Variants in SYT17 observed in about 807,000 individuals in gnomAD.
The protein encoded by SYT17 is synaptotagmin-17.
Under a neutral mutation model 46.7 loss-of-function variants are expected in SYT17, and 22 were observed. The ratio of observed to expected loss-of-function variants is 0.47; its 90% CI spans 0.34 to 0.67. The LOEUF (loss-of-function observed/expected upper bound fraction) is 0.67, where lower values mean the gene tolerates loss of function less well. Among genes scored for constraint, SYT17 ranks in the 30% least tolerant of loss-of-function variants. SYT17 has a pLI of 0.01. For synonymous variants in SYT17, 251 were observed against 248.4 expected (o/e 1.01, Z -0.10); for missense variants, 519 against 612.8 (o/e 0.85, Z 1.62).
intron 5 of SYT17, among the ~76,000 whole-genome samples, chr16:19,188,038 T>G (rs575254800): frequency 1.3e-5 from 2 of 152,208 alleles, no homozygotes; most frequent in Non-Finnish European, 2.9e-5. Context: ...GCATGCGTTA[T>G]GTTCATTGCA....
rs73532734 is a variant in SYT17, at chr16:19,192,515, G to C, written c.951+8368G>C. ...AAGTGGGAGGACTGCTTGAGGCCAG[G>C]AGTTCGAGACCAGCCTGGGCAACAT... is the stretch of plus-strand genomic sequence containing the variant. On this transcript the variant is annotated intron_variant, in intron 5 of 7. Coordinates refer to ENST00000355377, the MANE Select transcript of SYT17 (RefSeq NM_016524.4). Among the ~76,000 whole-genome samples, 910 of 152,262 alleles carry C rather than the reference G, an allele frequency of 6.0e-3. 9 individuals carry two copies. The highest frequency in any genetic ancestry group is 0.02 in the African/African-American group (852 of 41,570).
chr16:19,180,753 A>G (rs1964519536), intron 4 of SYT17, among the ~76,000 whole-genome samples: 1 of 152,084 alleles, frequency 6.6e-6, no homozygotes, highest in South Asian at 2.1e-4. Context: ...AATCATTTTG[A>G]TTGATTTTTG....
At chr16:19,210,797 C>T (rs760055655) in intron 5 of SYT17, among the ~76,000 whole-genome samples, 6 of 152,148 alleles carry the variant, frequency 3.9e-5, no homozygotes, top group Non-Finnish European at 8.8e-5. Flanking sequence ...GGGCGCAGAG[C>T]AGCTGTGTTT....
intron 3 of SYT17, among the ~76,000 whole-genome samples, chr16:19,177,585 C>T (rs950835397): frequency 3.9e-5 from 6 of 152,146 alleles, no homozygotes; most frequent in African/African-American, 7.2e-5. Context: ...GTTCCTACTG[C>T]GACATTTGAG....
chr16:19,177,666 C>A (rs28561849), intron 3 of SYT17, among the ~76,000 whole-genome samples: 1 of 152,074 alleles, frequency 6.6e-6, no homozygotes, highest in Non-Finnish European at 1.5e-5. Flanking sequence ...GTGTGCTCTG[C>A]GTGTGATCTT....
At chr16:19,226,628 A>C (rs1966506342) in intron 7 of SYT17, among the ~76,000 whole-genome samples, 1 of 152,214 alleles carries the variant, frequency 6.6e-6, no homozygotes, top group African/African-American at 2.4e-5. Context: ...TGGAGTTACA[A>C]ATAGACAAGG....
At chr16:19,238,254 T>C (rs1025983001) in intron 7 of SYT17, among the ~76,000 whole-genome samples, 4 of 152,156 alleles carry the variant, frequency 2.6e-5, no homozygotes, top group African/African-American at 9.7e-5. Flanking sequence ...TCTGTAGATC[T>C]CAGTTCCCAG....
chr16:19,200,097 T>C (rs765906350), intron 5 of SYT17, among the ~76,000 whole-genome samples: 6 of 152,158 alleles, frequency 3.9e-5, no homozygotes, highest in Non-Finnish European at 8.8e-5. Context: ...GAGGGTGGTA[T>C]TGAAAGGATA....
intron 1 of SYT17, chr16:19,169,978 C>T (rs79436473): frequency 0.01 from 1,532 of 152,272 alleles, 10 homozygotes; most frequent in Non-Finnish European, 0.016. Flanking sequence ...TTGCCCAAGG[C>T]CACATAGCTG....
intron 4 of SYT17, among the ~76,000 whole-genome samples, chr16:19,180,900 C>T (rs1323982201): frequency 5.3e-5 from 8 of 152,088 alleles, no homozygotes; most frequent in Non-Finnish European, 7.4e-5. Flanking sequence ...GGGAGCTAGG[C>T]GGGTTGCATC....
intron 1 of SYT17, chr16:19,172,211 A>G: frequency 1.9e-6 from 1 of 519,456 alleles, no homozygotes. Context: ...CAAGAGGACC[A>G]GATTAGGGCT....
intron 7 of SYT17, chr16:19,250,099 C>CT: frequency 6.7e-7 from 1 of 1,499,282 alleles, no homozygotes; most frequent in Non-Finnish European, 8.8e-7. Flanking sequence ...TGTCTGGTTG[C>CT]TTTTATTTTA....
chr16:19,187,451 T>C (rs1964830910), intron 5 of SYT17, among the ~76,000 whole-genome samples: 1 of 152,130 alleles, frequency 6.6e-6, no homozygotes, highest in African/African-American at 2.4e-5. Context: ...TCTTGCACCG[T>C]TGGAGTGGAT....
intron 1 of SYT17, chr16:19,169,886 G>A (rs1324476245): frequency 1.3e-5 from 2 of 152,174 alleles, no homozygotes; most frequent in South Asian, 2.1e-4. Flanking sequence ...CCCTCTGGGT[G>A]CGCAATTTAG....
chr16:19,222,692 G>A (rs1462678877), intron 5 of SYT17, among the ~76,000 whole-genome samples: 1 of 152,154 alleles, frequency 6.6e-6, no homozygotes, highest in Non-Finnish European at 1.5e-5. Context: ...GTGAGCCTCG[G>A]TTTCCTCATC....
intron 5 of SYT17, 85 bp downstream of exon 5, chr16:19,184,232 T>G (rs2142590498): frequency 6.8e-7 from 1 of 1,477,018 alleles, no homozygotes; most frequent in Non-Finnish European, 9.0e-7. Context: ...TTAAAAGGCT[T>G]TTTTGGATTT....
intron 7 of SYT17, among the ~76,000 whole-genome samples, chr16:19,254,723 A>G (rs1968440002): frequency 6.6e-6 from 1 of 152,208 alleles, no homozygotes; most frequent in Non-Finnish European, 1.5e-5. Context: ...TCTGAAACAA[A>G]TGTAGAGAGG....
rs575243850 is a variant in SYT17, at chr16:19,259,881, C to A, written c.1229-6999C>A. 2.0e-5 allele frequency among the ~76,000 whole-genome samples: 3 copies of A among 152,116 alleles called. No homozygotes were observed. In the East Asian group the frequency reaches 5.8e-4, roughly 29 times the overall value. On this transcript the variant is annotated intron_variant, in intron 7 of 7. Coordinates refer to ENST00000355377, the MANE Select transcript of SYT17 (RefSeq NM_016524.4). Reference sequence around the variant, plus strand: ...CCTCAGGAGGTCCAGAGGACATGCGCCCAAGGTGGTCAGGCTACAGCTTGG... The same window carrying A: ...CCTCAGGAGGTCCAGAGGACATGCGACCAAGGTGGTCAGGCTACAGCTTGG...
At chr16:19,250,884 C>T (rs927140475) in intron 7 of SYT17, among the ~76,000 whole-genome samples, 3 of 152,128 alleles carry the variant, frequency 2.0e-5, no homozygotes, top group Admixed American at 2.0e-4. Context: ...AGTTACTTCC[C>T]CCTCCCCCAG....
Sources: gnomAD v4.1 joint callset for allele counts (sites outside exome capture counted in the v4.1 genomes callset) on GRCh38, gnomAD v4.1.1 for gene constraint, MANE v1.5 for transcripts, NCBI Gene and HGNC (gene_info 2026-07-23, HGNC 2026-07-21) for gene names.